Variants in TRIM4 observed in about 807,000 individuals in gnomAD.
TRIM4 encodes the protein E3 ubiquitin-protein ligase TRIM4.
TRIM4 carries 29 observed loss-of-function variants against 33.7 expected under a neutral mutation model. That is an observed-to-expected ratio of 0.86 (90% CI 0.64 to 1.17). TRIM4 has a LOEUF of 1.17. Ranked by LOEUF, TRIM4 falls within the 50% of genes most tolerant of loss-of-function variation. TRIM4 has a pLI of 0.00. For missense variants in TRIM4, 554 were observed against 593.7 expected, an observed-to-expected ratio of 0.93 and a Z score of 0.69; for synonymous variants, 224 against 233.0, an observed-to-expected ratio of 0.96 and a Z score of 0.35.
rs963763696 is a variant in TRIM4 at position 99,894,667 on chromosome 7, C to G, written c.842-1921G>C. Reference sequence around the variant, plus strand: ...AGGCAACAGACCAAGACTCCATCCCCCCCCCAAAAAAAAAAAGAAAAGAAA... The same window carrying G: ...AGGCAACAGACCAAGACTCCATCCCGCCCCCAAAAAAAAAAAGAAAAGAAA... On this transcript the variant is annotated intron_variant, in intron 5 of 5. Transcript: ENST00000349062. Among the ~76,000 whole-genome samples, 43 of 148,216 alleles carry G rather than the reference C, an allele frequency of 2.9e-4. 1 individual carries two copies. Among genetic ancestry groups the G allele is most frequent in the African/African-American group, 9.9e-4 (40 of 40,224 alleles).
Position 99,919,455 on chromosome 7 carries a change from C to G in TRIM4, c.-54G>C. On this transcript the variant is annotated 5_prime_UTR_variant, in exon 1 of 6. Transcript: ENST00000349062. ...CGACGTGAGGCGCGGGAGAGGCCAG[C>G]AAGCTGCGAGCGGCCGCGGGGAGGC... 5 of 1,447,828 alleles carry G rather than the reference C, an allele frequency of 3.5e-6. No individual in the cohort carries two copies. The highest frequency in any genetic ancestry group is 2.8e-5 in the Admixed American group (1 of 35,972). The allele number at this position is 1,447,828 out of a possible 1,614,324, so 89.7% of individuals were successfully genotyped here.
intron 5 of TRIM4, among the ~76,000 whole-genome samples, chr7:99,898,713 C>T (rs1189336509): frequency 6.6e-6 from 1 of 152,218 alleles, no homozygotes; most frequent in East Asian, 1.9e-4. Context: ...TTACTCTTCT[C>T]ACTGGGCAAC....
Position 99,908,688 on chromosome 7 carries a change from T to C in TRIM4, c.614A>G (p.Lys205Arg), listed in dbSNP as rs374262278. 380 of 1,614,176 alleles carry C rather than the reference T, an allele frequency of 2.4e-4. 4 individuals are homozygous for C. The South Asian group carries it at 3.9e-3, about 17-fold the overall frequency. ...LNKEEEETKK[K>R]LNENTLKLNQ... The stretch of plus-strand genomic sequence containing the variant: ...GAGTTTTAACGTGTTCTCATTCAGC[T>C]TCTTCTTCGTCTCTTCTTCTTCTTT... The change falls in exon 3 of 6, where the codon AAG (lysine) becomes AGG (arginine). Residue 205 changes from lysine to arginine, a missense_variant. Physicochemically the swap from Lys to Arg is conservative, Grantham distance 26. Around this residue, in one of 3 missense-constraint regions of TRIM4, gnomAD observed 290 missense variants for 335.8 expected, o/e 0.86. Transcript: ENST00000349062.
chr7:99,901,433 T>G (rs1819164370), intron 5 of TRIM4: 1 of 152,262 alleles, frequency 6.6e-6, no homozygotes, highest in South Asian at 2.1e-4. Flanking sequence ...CCTATCTTTT[T>G]GCATGCATAT....
chr7:99,909,215 G>A (rs1193194743), intron 2 of TRIM4, among the ~76,000 whole-genome samples: 1 of 151,406 alleles, frequency 6.6e-6, no homozygotes, highest in Admixed American at 6.6e-5. Flanking sequence ...GGCCCAAACC[G>A]ACTCTAACCT....
chr7:99,895,337 T>C (rs899496428), intron 5 of TRIM4, among the ~76,000 whole-genome samples: 6 of 152,220 alleles, frequency 3.9e-5, no homozygotes, highest in Non-Finnish European at 8.8e-5. Context: ...AAGTCTATTA[T>C]TTAGATTCTT....
chr7:99,901,630 T>C (rs1027945634), intron 5 of TRIM4: 1 of 152,718 alleles, frequency 6.5e-6, no homozygotes, highest in East Asian at 1.9e-4. Context: ...GGGCTAAATA[T>C]TTTCTGCTAA....
At chr7:99,906,000 C>T (rs574835825) in intron 3 of TRIM4, among the ~76,000 whole-genome samples, 119 of 152,258 alleles carry the variant, frequency 7.8e-4, no homozygotes, top group Non-Finnish European at 1.3e-3. Context: ...GAAAAATTAG[C>T]CAGGTGTGGT....
intron 1 of TRIM4, among the ~76,000 whole-genome samples, chr7:99,918,460 G>T (rs2151655363): frequency 6.6e-6 from 1 of 152,032 alleles, no homozygotes; most frequent in East Asian, 1.9e-4. Flanking sequence ...AGCTACTCGG[G>T]AGGCTGAGGC....
intron 1 of TRIM4, among the ~76,000 whole-genome samples, chr7:99,910,482 G>A (rs1584270800): frequency 6.6e-6 from 1 of 152,134 alleles, no homozygotes; most frequent in Admixed American, 6.6e-5. Flanking sequence ...ATATTGACAT[G>A]AAATACACAA....
At position 99,892,035 on chromosome 7, in the gene TRIM4, G is replaced by A. The variant is rs749678071; in HGVS notation, c.*128C>T. The A allele has an allele frequency of 2.6e-5, 22 of 832,016 alleles. 1 individual carries two copies. Among genetic ancestry groups the A allele is most frequent in the South Asian group, 1.9e-4 (10 of 53,184 alleles). 51.5% of individuals were successfully genotyped at this position (832,016 alleles called of 1,614,324 possible). A position where few individuals can be genotyped will look rare whatever the true frequency, so the allele number is the denominator to read the frequency against. On this transcript the variant is annotated 3_prime_UTR_variant, in exon 6 of 6. Coordinates refer to ENST00000349062, the MANE Select transcript of TRIM4 (RefSeq NM_033091.3). ...AGCACACAAAGGGCAGATACCAAAC[G>A]GTACCGTTAGGGAGACCCAGAAGAT...
At chr7:99,898,861 T>C (rs1819086258) in intron 5 of TRIM4, among the ~76,000 whole-genome samples, 1 of 152,214 alleles carries the variant, frequency 6.6e-6, no homozygotes, top group South Asian at 2.1e-4. Flanking sequence ...TAGAAACCCA[T>C]ATTTCAGTAA....
In TRIM4 at chr7:99,919,296, G is replaced by A; in HGVS notation, c.106C>T (p.Leu36=). ...CCGCCCGGCGCCCAGTTGCGGTGCA[G>A]GCAGCCGCGGCAGAAGTTGTGGCCG... ...ECGHNFCRGC[L]HRNWAPGGGP... is the part of the protein sequence containing the mutation. Residue 36 remains leucine, a synonymous_variant, in exon 1 of 6, where the codon CTG becomes TTG. Transcript: ENST00000349062. The A allele has an allele frequency of 1.3e-6, 2 of 1,554,144 alleles. No homozygotes were observed. Among genetic ancestry groups the A allele is most frequent in the Admixed American group, 1.9e-5 (1 of 51,660 alleles).
rs1206368678 is a variant in TRIM4, at chr7:99,908,628, A to T, written c.674T>A (p.Leu225Ter). ...QTIASLKKLI[L>*]EVGEKSQAPT... ...AGCCTGGCTCTTCTCCCCCACCTCTAAGATGAGCTTCTTCAATGAAGCGAT... is the reference window on the plus strand; with the variant it reads ...AGCCTGGCTCTTCTCCCCCACCTCTTAGATGAGCTTCTTCAATGAAGCGAT... The change falls in exon 3 of 6, where the codon TTA becomes TAA. Residue 225 changes from leucine (L) to a stop codon, truncating the protein, a stop_gained. Transcript: ENST00000349062. LOFTEE classifies it high-confidence loss of function. The T allele has an allele frequency of 6.2e-7, 1 of 1,614,046 alleles. No individual in the cohort carries two copies. The highest frequency in any genetic ancestry group is 8.5e-7 in the Non-Finnish European group (1 of 1,179,964).
chr7:99,903,684 G>A (rs1028059305), intron 3 of TRIM4, 86 bp from the exon 4 acceptor site: 10 of 1,497,448 alleles, frequency 6.7e-6, no homozygotes, highest in East Asian at 4.6e-5. Flanking sequence ...ATTTTCTGAC[G>A]GTTGCATTTG....
At chr7:99,910,260 G>A (rs938564376) in intron 1 of TRIM4, among the ~76,000 whole-genome samples, 1 of 152,096 alleles carries the variant, frequency 6.6e-6, no homozygotes, top group Non-Finnish European at 1.5e-5. Flanking sequence ...GATTAAAAAC[G>A]TGCCTTTTTT....
rs1359053655 is a variant in TRIM4, at chr7:99,919,251, C to T, written c.151G>A (p.Glu51Lys). 2 of 1,539,884 alleles carry T rather than the reference C, an allele frequency of 1.3e-6. No homozygotes were observed. Among genetic ancestry groups the T allele is most frequent in the South Asian group, 2.4e-5 (2 of 83,486 alleles). The change falls in exon 1 of 6, where the codon GAA (glutamate) becomes AAA (lysine). Residue 51 changes from glutamate to lysine, a missense_variant. This residue lies in a region of TRIM4 where 233 missense variants were observed against 203.1 expected (regional missense o/e 1.15). Transcript: ENST00000349062. ...GCGGGCGCCGATGGGTGCCGACATT[C>T]GGGGCAGGGGAACGGGCCGCCGCCC... The part of the protein sequence containing the change: ...APGGGPFPCP[E>K]CRHPSAPAAL...
intron 1 of TRIM4, among the ~76,000 whole-genome samples, chr7:99,911,801 T>C (rs1486874973): frequency 6.6e-6 from 1 of 152,058 alleles, no homozygotes; most frequent in African/African-American, 2.4e-5. Flanking sequence ...CCTGGAAAAA[T>C]GAAAACATGT....
intron 1 of TRIM4, among the ~76,000 whole-genome samples, chr7:99,911,155 T>C (rs1342528285): frequency 2.6e-5 from 4 of 152,210 alleles, no homozygotes; most frequent in Admixed American, 2.6e-4. Context: ...GAAGCAGATT[T>C]CGGGATTAAA....
Sources: allele counts gnomAD v4.1 joint callset (sites outside exome capture counted in the v4.1 genomes callset), GRCh38; gene constraint gnomAD v4.1.1; regional missense constraint gnomAD v4.1.1; transcripts MANE v1.5; gene names NCBI Gene and HGNC (gene_info 2026-07-23, HGNC 2026-07-21).